Variants in RASSF8 observed in about 807,000 individuals in gnomAD.
RASSF8 encodes the protein Ras association domain family member 8.
A neutral mutation model predicts 48.5 loss-of-function variants in RASSF8; 22 were observed. That is an observed-to-expected ratio of 0.45 (90% CI 0.32 to 0.65). The LOEUF is 0.65. Among genes scored for constraint, RASSF8 ranks in the 30% least tolerant of loss-of-function variants. The pLI is 0.03. For synonymous variants in RASSF8, 127 were observed against 171.5 expected (o/e 0.74, Z 2.03); for missense variants, 418 against 489.2 (o/e 0.85, Z 1.37).
At chr12:26,056,176 C>T (rs2643936) in intron 3 of RASSF8, among the ~76,000 whole-genome samples, 4,416 of 152,158 alleles carry the variant, frequency 0.029, 217 homozygotes, top group African/African-American at 0.1. Flanking sequence ...CAGCGAAACT[C>T]GGTCTCAATA....
At chr12:25,994,879 G>GGGAA (rs1565609472) in intron 1 of RASSF8, 158 bp from the exon 2 acceptor site, 1 of 152,252 alleles carries the variant, frequency 6.6e-6, no homozygotes, top group Non-Finnish European at 1.5e-5. Flanking sequence ...ATGGCTAAGG[G>GGGAA]GGAAGAGTGG....
downstream of RASSF8, among the ~76,000 whole-genome samples, chr12:26,074,724 G>A (rs991675658): frequency 1.3e-5 from 2 of 152,038 alleles, no homozygotes; most frequent in East Asian, 1.9e-4. Flanking sequence ...AGGGTGTCAC[G>A]GAGACAAACA....
At chr12:25,981,240 T>A (rs1208468033) in intron 1 of RASSF8, among the ~76,000 whole-genome samples, 1 of 152,082 alleles carries the variant, frequency 6.6e-6, no homozygotes, top group Non-Finnish European at 1.5e-5. Context: ...GGGGTTTTAT[T>A]GGGGGCCTAT....
intron 2 of RASSF8, among the ~76,000 whole-genome samples, chr12:25,999,965 G>A (rs1173200585): frequency 1.3e-5 from 2 of 152,166 alleles, no homozygotes; most frequent in Non-Finnish European, 2.9e-5. Context: ...TGGATAGGAA[G>A]ACAATTCTTT....
intron 2 of RASSF8, among the ~76,000 whole-genome samples, chr12:26,039,721 GT>G (rs886595852): frequency 7.9e-5 from 12 of 152,170 alleles, no homozygotes; most frequent in Non-Finnish European, 1.3e-4. Flanking sequence ...TTCATTCAAT[GT>G]TTTTGCCATG....
intron 3 of RASSF8, among the ~76,000 whole-genome samples, chr12:26,056,272 T>A (rs1165432507): frequency 6.6e-6 from 1 of 152,210 alleles, no homozygotes; most frequent in African/African-American, 2.4e-5. Flanking sequence ...GTTTTACCCT[T>A]TCTTCTTATT....
chr12:26,020,910 T>G (rs1184681037), intron 2 of RASSF8, among the ~76,000 whole-genome samples: 2 of 152,204 alleles, frequency 1.3e-5, no homozygotes, highest in Non-Finnish European at 2.9e-5. Context: ...AACATGTGTA[T>G]CTTACGAAGG....
chr12:26,049,461 C>T (rs1162567210), intron 2 of RASSF8, among the ~76,000 whole-genome samples: 1 of 152,148 alleles, frequency 6.6e-6, no homozygotes, highest in African/African-American at 2.4e-5. Context: ...CAAAAATTAA[C>T]CCAAATTGTT....
chr12:26,037,570 TTAA>T (rs1343587862), intron 2 of RASSF8, among the ~76,000 whole-genome samples: 3 of 152,256 alleles, frequency 2.0e-5, no homozygotes, highest in African/African-American at 4.8e-5. Context: ...TTGTGTTTAG[TTAA>T]TAATATTTTT....
intron 2 of RASSF8, among the ~76,000 whole-genome samples, chr12:25,998,269 A>G (rs1021940874): frequency 1.3e-5 from 2 of 152,072 alleles, no homozygotes; most frequent in African/African-American, 4.8e-5. Flanking sequence ...GAATCAGCTT[A>G]CTTTGAGAAA....
intron 4 of RASSF8, among the ~76,000 whole-genome samples, chr12:26,066,891 A>G (rs1943887402): frequency 6.6e-6 from 1 of 152,266 alleles, no homozygotes; most frequent in Admixed American, 6.5e-5. Context: ...TTGCTTTTAC[A>G]GCTTTCCAGC....
At chr12:25,964,099 C>T (rs538355714) in intron 1 of RASSF8, among the ~76,000 whole-genome samples, 10 of 152,190 alleles carry the variant, frequency 6.6e-5, no homozygotes, top group Non-Finnish European at 1.5e-4. Context: ...TCACGAGTAG[C>T]TGCCACTGTG....
intron 5 of RASSF8, among the ~76,000 whole-genome samples, chr12:26,078,744 T>C (rs7304311): frequency 0.064 from 9,729 of 152,260 alleles, 801 homozygotes; most frequent in East Asian, 0.29. Flanking sequence ...ACCATTGGAT[T>C]TAATGGTGCC....
chr12:26,029,658 T>A (rs1842773260), intron 2 of RASSF8, among the ~76,000 whole-genome samples: 1 of 152,234 alleles, frequency 6.6e-6, no homozygotes, highest in Non-Finnish European at 1.5e-5. Flanking sequence ...GATTATTTTT[T>A]GTTCTGAGGA....
At chr12:25,983,343 C>T (rs1941788505) in intron 1 of RASSF8, among the ~76,000 whole-genome samples, 1 of 152,112 alleles carries the variant, frequency 6.6e-6, no homozygotes, top group Non-Finnish European at 1.5e-5. Context: ...ATAGCCAGAG[C>T]AAGAATTAAG....
Position 26,072,664 on chromosome 12 carries a change from C to T in RASSF8, c.*3846C>T, listed in dbSNP as rs2137348180. The T allele has an allele frequency of 1.0e-6, 1 of 984,948 alleles. No homozygotes were observed. Among genetic ancestry groups the T allele is most frequent in the Middle Eastern group, 5.2e-4 (1 of 1,914 alleles). 61.0% of individuals were successfully genotyped at this position (984,948 alleles called of 1,614,324 possible). A position where few individuals can be genotyped will look rare whatever the true frequency, so the allele number is the denominator to read the frequency against. On this transcript the variant is annotated 3_prime_UTR_variant, in exon 6 of 6. Transcript: ENST00000689635. ...GCTGCAGCTTTAAACAGAAAATTGC[C>T]ATGTTCACTAATTGTGAGCACATAA...
intron 1 of RASSF8, among the ~76,000 whole-genome samples, chr12:25,970,725 G>T (rs1470045679): frequency 6.6e-6 from 1 of 152,160 alleles, no homozygotes; most frequent in Non-Finnish European, 1.5e-5. Flanking sequence ...TGGTCAGATG[G>T]CTGTCCTGCC....
At chr12:26,035,969 TTATATA>T (rs1028589472) in intron 2 of RASSF8, among the ~76,000 whole-genome samples, 2 of 146,960 alleles carry the variant, frequency 1.4e-5, no homozygotes, top group Non-Finnish European at 3.0e-5. Context: ...TATTTATAAT[TTATATA>T]TATATAAAGC....
intron 1 of RASSF8, among the ~76,000 whole-genome samples, chr12:25,985,157 C>T (rs1177555659): frequency 1.3e-5 from 2 of 152,082 alleles, no homozygotes; most frequent in Non-Finnish European, 2.9e-5. Flanking sequence ...CACTTTTTGC[C>T]GCACCAATCA....
Sources: gnomAD v4.1 joint callset for allele counts (sites outside exome capture counted in the v4.1 genomes callset) on GRCh38, gnomAD v4.1.1 for gene constraint, MANE v1.5 for transcripts, NCBI Gene and HGNC (gene_info 2026-07-23, HGNC 2026-07-21) for gene names.